Variants in CACNB2 observed in about 807,000 individuals in gnomAD.
The protein encoded by CACNB2 is calcium voltage-gated channel auxiliary subunit beta 2.
A neutral mutation model predicts 73.3 loss-of-function variants in CACNB2; 42 were observed. That is an observed-to-expected ratio of 0.57 (90% confidence interval 0.45 to 0.74). The LOEUF (loss-of-function observed/expected upper bound fraction) is 0.74. CACNB2 is among the 30% of genes least tolerant of loss of function. The pLI is 0.00. For synonymous variants in CACNB2, 348 were observed against 310.3 expected (o/e 1.12, Z -1.28); for missense variants, 940 against 853.0 (o/e 1.10, Z -1.27).
At chr10:18,303,078 G>A (rs1022516532) in intron 2 of CACNB2, among the ~76,000 whole-genome samples, 2 of 152,126 alleles carry the variant, frequency 1.3e-5, no homozygotes, top group African/African-American at 4.8e-5. Context: ...CACTCACAGT[G>A]GAGGATGTCC....
intron 2 of CACNB2, among the ~76,000 whole-genome samples, chr10:18,287,238 A>G (rs1184377927): frequency 6.6e-6 from 1 of 152,138 alleles, no homozygotes; most frequent in Non-Finnish European, 1.5e-5. Context: ...CTGAGGCACG[A>G]GAATCACTTA....
At chr10:18,268,851 T>C (rs2037925239) in intron 2 of CACNB2, among the ~76,000 whole-genome samples, 1 of 152,164 alleles carries the variant, frequency 6.6e-6, no homozygotes, top group African/African-American at 2.4e-5. Flanking sequence ...GCAAAAGTAA[T>C]TCATAAATGG....
intron 1 of CACNB2, among the ~76,000 whole-genome samples, chr10:18,146,677 A>G (rs1474371202): frequency 2.0e-5 from 3 of 152,010 alleles, no homozygotes; most frequent in Admixed American, 6.6e-5. Context: ...ATGGGGTTTC[A>G]CCATGTTGGT....
At chr10:18,260,465 G>T in intron 2 of CACNB2, 1 of 985,278 alleles carries the variant, frequency 1.0e-6, no homozygotes, top group Non-Finnish European at 1.2e-6. Flanking sequence ...CCAAACAACT[G>T]TGCGCCGCAG....
chr10:18,284,767 A>G (rs1468669478), intron 2 of CACNB2, among the ~76,000 whole-genome samples: 1 of 152,170 alleles, frequency 6.6e-6, no homozygotes, highest in African/African-American at 2.4e-5. Context: ...ATGAGGCAGT[A>G]TGCTTGGTCC....
chr10:18,509,995 A>G (rs2050680901), intron 6 of CACNB2, among the ~76,000 whole-genome samples: 1 of 152,274 alleles, frequency 6.6e-6, no homozygotes, highest in Non-Finnish European at 1.5e-5. Flanking sequence ...AAGGAGAACC[A>G]TCTGAGTCTA....
At chr10:18,220,233 A>AGGGGG (rs1564353966) in intron 2 of CACNB2, among the ~76,000 whole-genome samples, 24 of 27,094 alleles carry the variant, frequency 8.9e-4, no homozygotes, top group African/African-American at 5.1e-3. Context: ...ATATATATAT[A>AGGGGG]GAGAGAGAGA....
intron 2 of CACNB2, among the ~76,000 whole-genome samples, chr10:18,280,208 A>T (rs1254180393): frequency 7.1e-6 from 1 of 141,002 alleles, no homozygotes; most frequent in Non-Finnish European, 1.6e-5. Context: ...ACACATGGGG[A>T]TTATAAATTA....
chr10:18,428,013 T>G (rs998690015), intron 3 of CACNB2, among the ~76,000 whole-genome samples: 1 of 152,182 alleles, frequency 6.6e-6, no homozygotes, highest in African/African-American at 2.4e-5. Context: ...GAACCTGGTT[T>G]TCTGTATCTC....
rs1057524620 is a variant in CACNB2 at position 18,498,406 on chromosome 10, C to G, written c.385C>G (p.His129Asp). 6.2e-7 allele frequency: 1 copy of G among 1,614,082 alleles called. No homozygotes were observed. The highest frequency in any genetic ancestry group is 1.1e-5 in the South Asian group (1 of 91,082). Reference sequence around the variant, plus strand: ...GACAAATGTCAGCTACAGTGCGGCCCATGAAGATGATGTTCCAGTGCCTGG... The same window carrying G: ...GACAAATGTCAGCTACAGTGCGGCCGATGAAGATGATGTTCCAGTGCCTGG... Reference protein sequence around the residue: ...VRTNVSYSAAHEDDVPVPGMA... With the variant: ...VRTNVSYSAADEDDVPVPGMA... Residue 129 changes from histidine to aspartate, a missense_variant, in exon 4 of 14, where the codon CAT becomes GAT. His to Asp is a moderately conservative substitution (Grantham distance 81). Transcript: ENST00000324631.
At chr10:18,262,775 T>C (rs1160691667) in intron 2 of CACNB2, among the ~76,000 whole-genome samples, 1 of 152,364 alleles carries the variant, frequency 6.6e-6, no homozygotes. Context: ...TCCATGGTTA[T>C]GTGTGCCTAT....
intron 2 of CACNB2, among the ~76,000 whole-genome samples, chr10:18,338,640 C>T (rs552198568): frequency 1.5e-5 from 2 of 137,520 alleles, no homozygotes; most frequent in South Asian, 4.8e-4. Flanking sequence ...CCCTTCCTTC[C>T]TTCTTTCTTT....
chr10:18,347,246 T>C (rs1042950096), intron 2 of CACNB2, among the ~76,000 whole-genome samples: 7 of 151,668 alleles, frequency 4.6e-5, no homozygotes, highest in Admixed American at 4.6e-4. Context: ...GGTGAGATCT[T>C]GGCTCAATGC....
At chr10:18,298,343 C>T (rs2039363609) in intron 2 of CACNB2, among the ~76,000 whole-genome samples, 2 of 151,006 alleles carry the variant, frequency 1.3e-5, no homozygotes, top group Admixed American at 1.3e-4. Context: ...TCACTCCAGC[C>T]TGGGCGAAAG....
At chr10:18,266,627 G>A (rs2037815439) in intron 2 of CACNB2, among the ~76,000 whole-genome samples, 1 of 152,086 alleles carries the variant, frequency 6.6e-6, no homozygotes, top group Non-Finnish European at 1.5e-5. Context: ...GGTGGCTCAC[G>A]CCTGTAATCT....
At chr10:18,158,813 G>C (rs1000016937) in intron 2 of CACNB2, among the ~76,000 whole-genome samples, 2 of 152,180 alleles carry the variant, frequency 1.3e-5, no homozygotes, top group African/African-American at 2.4e-5. Flanking sequence ...TGGATGGGTA[G>C]AACATTTGTG....
chr10:18,164,294 G>GT (rs765603537), intron 2 of CACNB2, among the ~76,000 whole-genome samples: 1 of 152,232 alleles, frequency 6.6e-6, no homozygotes, highest in East Asian at 1.9e-4. Flanking sequence ...ACTAATAGAC[G>GT]TTTTCCCTTG....
chr10:18,237,817 A>G (rs2131486271), intron 2 of CACNB2, among the ~76,000 whole-genome samples: 1 of 152,292 alleles, frequency 6.6e-6, no homozygotes, highest in South Asian at 2.1e-4. Context: ...ACCGCAATAT[A>G]CCATAGATGG....
intron 2 of CACNB2, among the ~76,000 whole-genome samples, chr10:18,399,068 C>G (rs2043859345): frequency 6.6e-6 from 1 of 152,142 alleles, no homozygotes; most frequent in Non-Finnish European, 1.5e-5. Flanking sequence ...TATGTACTTC[C>G]TGTCATTGCT....
Sources: allele counts gnomAD v4.1 joint callset (sites outside exome capture counted in the v4.1 genomes callset), GRCh38; gene constraint gnomAD v4.1.1; transcripts MANE v1.5; gene names NCBI Gene and HGNC (gene_info 2026-07-23, HGNC 2026-07-21).